The following HPSE2 variants were observed in gnomAD, a reference collection of about 807,000 sequenced individuals.
HPSE2 encodes inactive heparanase-2.
Under a neutral mutation model 60.5 loss-of-function variants are expected in HPSE2, and 38 were observed. The observed-to-expected ratio is 0.63, with a 90% CI of 0.48 to 0.82. HPSE2 has a LOEUF of 0.82. Ranked by LOEUF, HPSE2 falls within the 40% of genes least tolerant of loss-of-function variation. The pLI, the probability that HPSE2 is intolerant of heterozygous loss-of-function variation, is 0.00. For synonymous variants in HPSE2, 295 were observed against 293.2 expected, an observed-to-expected ratio of 1.01 and a Z score of -0.06; for missense variants, 713 against 740.4, an observed-to-expected ratio of 0.96 and a Z score of 0.43.
chr10:99,141,847 C>T (rs1236300259), intron 3 of HPSE2, among the ~76,000 whole-genome samples: 1 of 152,198 alleles, frequency 6.6e-6, no homozygotes, highest in African/African-American at 2.4e-5. Context: ...ATGCTTTTAA[C>T]CATCTGACAC....
chr10:98,734,444 G>A (rs1202102560), intron 4 of HPSE2, among the ~76,000 whole-genome samples: 1 of 152,086 alleles, frequency 6.6e-6, no homozygotes, highest in Non-Finnish European at 1.5e-5. Flanking sequence ...TTTCCAAAGT[G>A]GCTGTACCAT....
intron 2 of HPSE2, among the ~76,000 whole-genome samples, chr10:99,220,807 CAAAA>C (rs113095503): frequency 1.8e-5 from 1 of 56,480 alleles, no homozygotes; most frequent in African/African-American, 6.5e-5. Context: ...GACTCCGTCT[CAAAA>C]AAAAAAAAAA....
At chr10:98,646,799 A>G (rs1022402936) in intron 6 of HPSE2, among the ~76,000 whole-genome samples, 5 of 152,218 alleles carry the variant, frequency 3.3e-5, no homozygotes, top group African/African-American at 7.2e-5. Context: ...AAAGAACTAA[A>G]TGCTCATTGT....
At chr10:98,725,704 C>T (rs1462176763) in intron 4 of HPSE2, among the ~76,000 whole-genome samples, 1 of 152,102 alleles carries the variant, frequency 6.6e-6, no homozygotes, top group Non-Finnish European at 1.5e-5. Context: ...GAACAGGCAA[C>T]CTACAAAATG....
At chr10:98,728,067 T>C (rs1384875549) in intron 4 of HPSE2, among the ~76,000 whole-genome samples, 1 of 152,068 alleles carries the variant, frequency 6.6e-6, no homozygotes, top group Non-Finnish European at 1.5e-5. Context: ...GTCATTCAGA[T>C]TGGAATAAAA....
the HPSE2 span, among the ~76,000 whole-genome samples, chr10:99,295,523 A>G: frequency 1.3e-5 from 2 of 152,182 alleles, no homozygotes; most frequent in Non-Finnish European, 2.9e-5. Flanking sequence ...GTAAAACAAG[A>G]CTGAATTAAA....
chr10:98,582,905 G>A (rs1177568517), intron 9 of HPSE2, among the ~76,000 whole-genome samples: 2 of 151,878 alleles, frequency 1.3e-5, no homozygotes, highest in East Asian at 3.9e-4. Context: ...CCCTATTTCT[G>A]TACCCCCTGC....
intron 3 of HPSE2, among the ~76,000 whole-genome samples, chr10:99,135,497 TAACA>T (rs1310991093): frequency 2.0e-5 from 3 of 152,134 alleles, no homozygotes; most frequent in African/African-American, 4.8e-5. Context: ...ACAGAAATCA[TAACA>T]AACAGTCTCT....
chr10:98,534,328 C>T (rs1184496348), intron 9 of HPSE2, among the ~76,000 whole-genome samples: 2 of 152,164 alleles, frequency 1.3e-5, no homozygotes, highest in African/African-American at 2.4e-5. Context: ...AGAAATCTGC[C>T]TCATAGTCAT....
intron 9 of HPSE2, among the ~76,000 whole-genome samples, chr10:98,557,189 C>T (rs527596659): frequency 9.9e-5 from 15 of 151,654 alleles, no homozygotes; most frequent in African/African-American, 2.2e-4. Context: ...CTCCAGTCTG[C>T]GCAACAGAGC....
intron 11 of HPSE2, among the ~76,000 whole-genome samples, chr10:98,478,696 T>C (rs573657903): frequency 1.2e-4 from 18 of 152,340 alleles, no homozygotes; most frequent in Non-Finnish European, 2.4e-4. Flanking sequence ...GGCAGTCCTC[T>C]GAAGAAAGTC....
intron 9 of HPSE2, among the ~76,000 whole-genome samples, chr10:98,546,431 G>A (rs913450246): frequency 6.7e-6 from 1 of 148,460 alleles, no homozygotes; most frequent in Non-Finnish European, 1.5e-5. Flanking sequence ...AACCAAAACA[G>A]CATGGTACTG....
intron 2 of HPSE2, among the ~76,000 whole-genome samples, chr10:99,194,294 T>C (rs1848319565): frequency 1.3e-5 from 2 of 151,744 alleles, no homozygotes; most frequent in Non-Finnish European, 2.9e-5. Flanking sequence ...AGAAAGTCTG[T>C]AGCAATAAAT....
chr10:98,913,129 A>G (rs1954026734), intron 3 of HPSE2, among the ~76,000 whole-genome samples: 1 of 152,226 alleles, frequency 6.6e-6, no homozygotes, highest in Non-Finnish European at 1.5e-5. Context: ...CTCCATTCAA[A>G]TATTTCAAAT....
At position 98,715,571 on chromosome 10, in the gene HPSE2, C is replaced by T. The variant is rs1306778790; in HGVS notation, c.956+6086G>A. The stretch of plus-strand genomic sequence containing the variant: ...GAGGTATTGCAGGTTCAGTTCCAGA[C>T]CACTGCAATAAAGTGAATATTACAA... On this transcript the variant is annotated intron_variant, in intron 5 of 11. Transcript: ENST00000370552. Among the ~76,000 whole-genome samples the T allele has an allele frequency of 5.3e-5, 8 of 151,960 alleles. No individual in the cohort carries two copies. The South Asian group carries it at 1.7e-3, about 31-fold the overall frequency.
At chr10:99,254,598 G>C in the HPSE2 span, among the ~76,000 whole-genome samples, 12 of 152,220 alleles carry the variant, frequency 7.9e-5, no homozygotes, top group African/African-American at 2.9e-4. Flanking sequence ...AATGTGATTA[G>C]GTGTAATTTA....
intron 9 of HPSE2, among the ~76,000 whole-genome samples, chr10:98,555,985 GGA>G (rs1320327980): frequency 9.2e-5 from 14 of 152,154 alleles, no homozygotes; most frequent in Non-Finnish European, 1.9e-4. Flanking sequence ...AGGTGGAAGT[GGA>G]GAGTGTCTCT....
intron 6 of HPSE2, among the ~76,000 whole-genome samples, chr10:98,665,850 C>T (rs1280939413): frequency 6.6e-6 from 1 of 152,120 alleles, no homozygotes; most frequent in Non-Finnish European, 1.5e-5. Flanking sequence ...ACATAGCCCA[C>T]AGACAATATA....
At chr10:98,802,300 A>ATTTT (rs35153153) in intron 3 of HPSE2, among the ~76,000 whole-genome samples, 27 of 148,762 alleles carry the variant, frequency 1.8e-4, no homozygotes, top group Admixed American at 1.7e-3. Context: ...TTCTCTTTTT[A>ATTTT]TTTTTTTTTT....
Sources: gnomAD v4.1 joint callset for allele counts (sites outside exome capture counted in the v4.1 genomes callset) on GRCh38, gnomAD v4.1.1 for gene constraint, MANE v1.5 for transcripts, NCBI Gene and HGNC (gene_info 2026-07-23, HGNC 2026-07-21) for gene names.